The following HOOK1 variants were observed in gnomAD, a reference collection of about 807,000 sequenced individuals.
HOOK1 encodes the protein protein Hook homolog 1.
HOOK1 carries 60 observed loss-of-function variants against 112.8 expected under a neutral mutation model. That is an observed-to-expected ratio of 0.53 (90% CI 0.43 to 0.66). The LOEUF is 0.66. Among genes scored for constraint, HOOK1 ranks in the 30% least tolerant of loss-of-function variants. The pLI, the probability that HOOK1 is intolerant of heterozygous loss-of-function variation, is 0.00. For synonymous variants in HOOK1, 294 were observed against 283.8 expected (o/e 1.04, Z -0.36); for missense variants, 770 against 856.0 (o/e 0.90, Z 1.25).
At chr1:59,831,026 G>A (rs556590606) in intron 3 of HOOK1, among the ~76,000 whole-genome samples, 3 of 151,360 alleles carry the variant, frequency 2.0e-5, no homozygotes, top group Admixed American at 6.6e-5. Flanking sequence ...TCAGCCTCCC[G>A]AGTAGCTGGG....
intron 2 of HOOK1, among the ~76,000 whole-genome samples, chr1:59,824,960 T>A (rs145982644): frequency 9.8e-5 from 15 of 152,294 alleles, no homozygotes; most frequent in Non-Finnish European, 2.1e-4. Flanking sequence ...GGCTAGAAGT[T>A]CTAAATCAAG....
chr1:59,847,613 G>T (rs1272639034), intron 10 of HOOK1, among the ~76,000 whole-genome samples: 1 of 151,418 alleles, frequency 6.6e-6, no homozygotes, highest in East Asian at 1.9e-4. Context: ...TTTGGGGGAG[G>T]ATTGTCATTT....
At chr1:59,828,235 C>CT (rs2098391343) in intron 2 of HOOK1, among the ~76,000 whole-genome samples, 1 of 152,118 alleles carries the variant, frequency 6.6e-6, no homozygotes, top group South Asian at 2.1e-4. Context: ...CAATATGGGA[C>CT]TTTGCTTTTC....
At chr1:59,830,149 A>C (rs1385732896) in intron 3 of HOOK1, among the ~76,000 whole-genome samples, 2 of 152,076 alleles carry the variant, frequency 1.3e-5, no homozygotes, top group African/African-American at 4.8e-5. Flanking sequence ...TTCCATGTGC[A>C]TATGAAAACA....
chr1:59,816,070 TTGA>T (rs1287329890), intron 1 of HOOK1, among the ~76,000 whole-genome samples: 1 of 152,188 alleles, frequency 6.6e-6, no homozygotes, highest in Non-Finnish European at 1.5e-5. Context: ...CAAGGTGCTG[TTGA>T]TGATGCTCAT....
At chr1:59,866,656 C>A (rs1262940386) in intron 19 of HOOK1, among the ~76,000 whole-genome samples, 2 of 152,114 alleles carry the variant, frequency 1.3e-5, no homozygotes, top group Admixed American at 6.6e-5. Context: ...ATGTAATGGG[C>A]GAGGCCTGAA....
intron 8 of HOOK1, among the ~76,000 whole-genome samples, chr1:59,842,465 A>AGG (rs1303695099): frequency 6.6e-6 from 1 of 152,114 alleles, no homozygotes; most frequent in East Asian, 1.9e-4. Context: ...TTGTCTGCCC[A>AGG]GGGACAGTTT....
At chr1:59,860,447 GTT>G in intron 15 of HOOK1, 119 bp downstream of exon 15, 1 of 886,520 alleles carries the variant, frequency 1.1e-6, no homozygotes, top group Non-Finnish European at 1.6e-6. Context: ...CCTAGAAATA[GTT>G]TAATATTTTT....
intron 1 of HOOK1, among the ~76,000 whole-genome samples, chr1:59,819,559 C>A (rs184103399): frequency 1.9e-4 from 29 of 152,238 alleles, no homozygotes; most frequent in Non-Finnish European, 2.8e-4. Context: ...ATTTTAAGAA[C>A]TTCTCAGAGA....
At chr1:59,841,612 A>G (rs561334852) in intron 8 of HOOK1, among the ~76,000 whole-genome samples, 1 of 152,226 alleles carries the variant, frequency 6.6e-6, no homozygotes, top group South Asian at 2.1e-4. Context: ...ACCTTCAGAC[A>G]CATGCAAAGT....
intron 3 of HOOK1, among the ~76,000 whole-genome samples, chr1:59,830,830 C>G (rs11207522): frequency 0.1 from 15,527 of 150,824 alleles, 1,265 homozygotes; most frequent in African/African-American, 0.22. Context: ...TTCTTCACAT[C>G]TGTAGTAATT....
At chr1:59,863,355 A>T (rs1170562376) in intron 16 of HOOK1, among the ~76,000 whole-genome samples, 1 of 152,136 alleles carries the variant, frequency 6.6e-6, no homozygotes, top group African/African-American at 2.4e-5. Flanking sequence ...AATGGATTAT[A>T]CCCGTCTCTG....
chr1:59,815,187 G>T lies in HOOK1; in HGVS notation c.63+7G>T. Reference sequence around the variant, plus strand: ...CGACAGCCTCATGATCTGGGTGAGTGCGAGGAGGCGAGAGGGCGAGGGGGC... The same window carrying T: ...CGACAGCCTCATGATCTGGGTGAGTTCGAGGAGGCGAGAGGGCGAGGGGGC... On this transcript the variant is annotated splice_region_variant and intron_variant, in intron 1 of 21. Transcript: ENST00000371208. The T allele has an allele frequency of 6.5e-7, 1 of 1,543,002 alleles. No homozygotes were observed. Among genetic ancestry groups the T allele is most frequent in the Non-Finnish European group, 8.7e-7 (1 of 1,146,304 alleles).
intron 12 of HOOK1, among the ~76,000 whole-genome samples, chr1:59,854,584 A>G (rs1471655204): frequency 6.6e-6 from 1 of 152,002 alleles, no homozygotes; most frequent in Non-Finnish European, 1.5e-5. Context: ...CTTGTTTGAC[A>G]GTCTTTTTCT....
chr1:59,846,566 C>T (rs1434394967), intron 9 of HOOK1, among the ~76,000 whole-genome samples: 1 of 76,136 alleles, frequency 1.3e-5, no homozygotes, highest in African/African-American at 5.7e-5. Flanking sequence ...TTCCTTCCTT[C>T]CTTCCTTCCT....
rs145009128 is a variant in HOOK1 at position 59,855,892 on chromosome 1, G to GTC, written c.1243-2533_1243-2532dup. 3.3e-3 allele frequency among the ~76,000 whole-genome samples: 467 copies of GTC among 141,216 alleles called. 10 individuals carry two copies. In the East Asian group the frequency reaches 0.071, roughly 22 times the overall value. 92.6% of individuals were successfully genotyped at this position (141,216 alleles called of 152,430 possible). A position where few individuals can be genotyped will look rare whatever the true frequency, so the allele number is the denominator to read the frequency against. Reference sequence around the variant, plus strand: ...GGCATCAAGCAGTCTTCTTGCCTCAGTCTCCCTAGTAGTTGGGACTATAAG... The same window carrying GTC: ...GGCATCAAGCAGTCTTCTTGCCTCAGTCTCTCCCTAGTAGTTGGGACTATAAG... On this transcript the variant is annotated intron_variant, in intron 12 of 21. Transcript: ENST00000371208.
rs773811097 is a variant in HOOK1 at position 59,871,110 on chromosome 1, G to A, written c.2016G>A (p.Lys672=). The part of the protein sequence containing the change: ...EKLIVSAWYN[K]SLAFQKLGME... ...TCATTGTTTCTGCGTGGTATAATAAGGTGAGCTGAAGTTCAGCAAATGATT... is the reference window on the plus strand; with the variant it reads ...TCATTGTTTCTGCGTGGTATAATAAAGTGAGCTGAAGTTCAGCAAATGATT... Residue 672 remains lysine (K), a splice_region_variant and synonymous_variant, in exon 21 of 22, where the codon AAG becomes AAA. Transcript: ENST00000371208. The A allele has an allele frequency of 1.9e-6, 3 of 1,608,632 alleles. No individual in the cohort carries two copies. Among genetic ancestry groups the A allele is most frequent in the Non-Finnish European group, 2.6e-6 (3 of 1,175,800 alleles).
At chr1:59,825,359 T>G (rs1048707577) in intron 2 of HOOK1, among the ~76,000 whole-genome samples, 1 of 152,224 alleles carries the variant, frequency 6.6e-6, no homozygotes, top group African/African-American at 2.4e-5. Flanking sequence ...CCTATTGTCT[T>G]TGACTAAACT....
At chr1:59,861,010 T>TCATGATC (rs1006365004) in intron 15 of HOOK1, among the ~76,000 whole-genome samples, 7 of 152,036 alleles carry the variant, frequency 4.6e-5, no homozygotes, top group Admixed American at 1.3e-4. Flanking sequence ...TCTCCTGACC[T>TCATGATC]CATGATCCAC....
Sources: allele counts gnomAD v4.1 joint callset (sites outside exome capture counted in the v4.1 genomes callset), GRCh38; gene constraint gnomAD v4.1.1; transcripts MANE v1.5; gene names NCBI Gene and HGNC (gene_info 2026-07-23, HGNC 2026-07-21).